The following ALMS1 variants were observed in gnomAD, a reference collection of about 807,000 sequenced individuals.
The protein encoded by ALMS1 is centrosome-associated protein ALMS1.
A neutral mutation model predicts 352.2 loss-of-function variants in ALMS1; 271 were observed. The ratio of observed to expected loss-of-function variants is 0.77; its 90% CI spans 0.70 to 0.85. The LOEUF is 0.85. ALMS1 is among the 40% of genes least tolerant of loss of function. The pLI, the probability that ALMS1 is intolerant of heterozygous loss-of-function variation, is 0.00. For missense variants in ALMS1, 5,445 were observed against 4,870.7 expected (o/e 1.12, Z -3.51); for synonymous variants, 1,865 against 1,761.2 (o/e 1.06, Z -1.48).
At chr2:73,521,017 A>G (rs913095059) in intron 11 of ALMS1, among the ~76,000 whole-genome samples, 8 of 152,202 alleles carry the variant, frequency 5.3e-5, no homozygotes. Flanking sequence ...CGTAGATGGA[A>G]TATACCTAAA....
At chr2:73,446,298 T>C (rs1671810164) in intron 7 of ALMS1, among the ~76,000 whole-genome samples, 1 of 152,196 alleles carries the variant, frequency 6.6e-6, no homozygotes, top group Non-Finnish European at 1.5e-5. Flanking sequence ...ACTAATAATT[T>C]GTAATGGCCA....
At chr2:73,549,293 A>G (rs946974770) in intron 12 of ALMS1, among the ~76,000 whole-genome samples, 1 of 152,212 alleles carries the variant, frequency 6.6e-6, no homozygotes, top group Non-Finnish European at 1.5e-5. Context: ...TCTTTTACTT[A>G]TCATCTGTCA....
intron 1 of ALMS1, among the ~76,000 whole-genome samples, chr2:73,401,452 A>C (rs1272759621): frequency 1.3e-5 from 2 of 152,050 alleles, no homozygotes; most frequent in African/African-American, 2.4e-5. Flanking sequence ...AATATTTTTA[A>C]ATTTCTTTTG....
In ALMS1 at chr2:73,550,450, G is replaced by A. The variant is rs1293489494; in HGVS notation, c.10078+13G>A. 4 of 1,613,806 alleles carry A rather than the reference G, an allele frequency of 2.5e-6. No individual in the cohort carries two copies. The highest frequency in any genetic ancestry group is 2.2e-5 in the East Asian group (1 of 44,876). ...AATGAAAATGCAGGTAACTGGATTG[G>A]CTTTGTATACTTTGTAGCTTTTTCT... is the stretch of plus-strand genomic sequence containing the variant. On this transcript the variant is annotated intron_variant, in intron 13 of 22. Coordinates refer to ENST00000613296, the MANE Select transcript of ALMS1 (RefSeq NM_001378454.1).
At chr2:73,535,324 T>C (rs939445802) in intron 12 of ALMS1, among the ~76,000 whole-genome samples, 1 of 152,196 alleles carries the variant, frequency 6.6e-6, no homozygotes, top group Non-Finnish European at 1.5e-5. Context: ...TAAATACTAA[T>C]TGTTTTCCTC....
chr2:73,480,271 C>A (rs1672669359), intron 9 of ALMS1, among the ~76,000 whole-genome samples: 1 of 152,040 alleles, frequency 6.6e-6, no homozygotes, highest in Non-Finnish European at 1.5e-5. Flanking sequence ...ATTCTCCTTC[C>A]TGTGTCCATG....
chr2:73,607,969 C>G (rs1371205496), intron 21 of ALMS1, among the ~76,000 whole-genome samples: 1 of 152,054 alleles, frequency 6.6e-6, no homozygotes, highest in Non-Finnish European at 1.5e-5. Context: ...GCGCTCCTAT[C>G]TATTCTTAAG....
intron 10 of ALMS1, among the ~76,000 whole-genome samples, chr2:73,498,331 G>A (rs1673150983): frequency 1.3e-5 from 2 of 151,688 alleles, no homozygotes; most frequent in African/African-American, 4.8e-5. Flanking sequence ...TGAGATGTTT[G>A]ATACAAGCAT....
intron 9 of ALMS1, among the ~76,000 whole-genome samples, chr2:73,485,007 G>A (rs1487300453): frequency 1.3e-5 from 2 of 151,892 alleles, no homozygotes; most frequent in African/African-American, 4.8e-5. Flanking sequence ...CAACTTCTTT[G>A]CCTTTGGTTT....
chr2:73,424,321 C>A, intron 4 of ALMS1, 109 bp from the exon 5 acceptor site: 1 of 747,074 alleles, frequency 1.3e-6, no homozygotes, highest in Non-Finnish European at 2.0e-6. Context: ...TTTCAATACA[C>A]TTTTCAAATA....
chr2:73,506,855 C>T (rs573228972), intron 10 of ALMS1, among the ~76,000 whole-genome samples: 7 of 152,224 alleles, frequency 4.6e-5, no homozygotes, highest in South Asian at 2.1e-4. Flanking sequence ...TGCATTGTGT[C>T]GGTTTTCAAA....
chr2:73,447,187 T>G (rs1430280212), intron 7 of ALMS1, among the ~76,000 whole-genome samples: 4 of 152,210 alleles, frequency 2.6e-5, no homozygotes, highest in Admixed American at 2.6e-4. Context: ...TTTACACTGC[T>G]GTTTAAAACT....
At chr2:73,427,656 G>T (rs1190995920) in intron 6 of ALMS1, among the ~76,000 whole-genome samples, 1 of 151,846 alleles carries the variant, frequency 6.6e-6, no homozygotes. Context: ...CCCCGCGACG[G>T]GCCCTGGTGT....
At chr2:73,436,805 T>A (rs1027888931) in intron 7 of ALMS1, among the ~76,000 whole-genome samples, 1 of 152,224 alleles carries the variant, frequency 6.6e-6, no homozygotes, top group African/African-American at 2.4e-5. Context: ...TCTTTAAGCA[T>A]CCTTTTCTTC....
chr2:73,503,850 TAGGC>T (rs1334573986), intron 10 of ALMS1, among the ~76,000 whole-genome samples: 3 of 152,146 alleles, frequency 2.0e-5, no homozygotes, highest in Non-Finnish European at 4.4e-5. Flanking sequence ...CATCCCACAG[TAGGC>T]ATGAAAGCTC....
Position 73,557,328 on chromosome 2 carries a change from A to G in ALMS1, c.10187A>G (p.Lys3396Arg). The change falls in exon 14 of 23, where the codon AAA becomes AGA. Residue 3396 changes from lysine to arginine, a missense_variant. Lys to Arg is a conservative substitution (Grantham distance 26). Coordinates refer to ENST00000613296, the MANE Select transcript of ALMS1 (RefSeq NM_001378454.1). ...AVTEAAQAKE[K>R]ESLQKDTADS... The stretch of plus-strand genomic sequence containing the variant: ...ACTGAGGCTGCCCAGGCTAAAGAAA[A>G]AGAATCTTTGCAGAAAGATACTGCA... The G allele has an allele frequency of 5.6e-6, 9 of 1,614,180 alleles. No individual in the cohort carries two copies. Among genetic ancestry groups the G allele is most frequent in the Non-Finnish European group, 7.6e-6 (9 of 1,180,012 alleles).
At chr2:73,546,634 A>G (rs748467691) in intron 12 of ALMS1, among the ~76,000 whole-genome samples, 2 of 152,360 alleles carry the variant, frequency 1.3e-5, no homozygotes, top group Middle Eastern at 3.4e-3. Context: ...TGTTTTACGA[A>G]CTTATGAAGA....
chr2:73,526,223 TTTCGTTCTTTATGC>T (rs1673788283), intron 11 of ALMS1, among the ~76,000 whole-genome samples: 1 of 152,122 alleles, frequency 6.6e-6, no homozygotes, highest in South Asian at 2.1e-4. Flanking sequence ...ATTCCTCCAG[TTTCGTTCTTTATGC>T]TTAAGATAGC....
At chr2:73,441,381 C>T (rs1163034695) in intron 7 of ALMS1, among the ~76,000 whole-genome samples, 4 of 152,126 alleles carry the variant, frequency 2.6e-5, no homozygotes, top group Admixed American at 1.3e-4. Flanking sequence ...TTGTTACTGG[C>T]TAGAGGACAG....
Sources: allele counts gnomAD v4.1 joint callset (sites outside exome capture counted in the v4.1 genomes callset), GRCh38; gene constraint gnomAD v4.1.1; transcripts MANE v1.5; gene names NCBI Gene and HGNC (gene_info 2026-07-23, HGNC 2026-07-21).